The following NDNF variants were observed in gnomAD, a reference collection of about 807,000 sequenced individuals.
The protein encoded by NDNF is neuron derived neurotrophic factor.
In NDNF, 16 loss-of-function variants were observed where a neutral mutation model predicts 42.0. That is an observed-to-expected ratio of 0.38 (90% confidence interval 0.26 to 0.58). NDNF has a LOEUF of 0.58. NDNF is among the 20% of genes least tolerant of loss of function. The pLI, the probability that NDNF is intolerant of heterozygous loss-of-function variation, is 0.67. For synonymous variants in NDNF, 248 were observed against 251.7 expected (o/e 0.99, Z 0.14); for missense variants, 616 against 666.2 (o/e 0.92, Z 0.83).
chr4:121,042,206 A>T (rs1490990160), intron 2 of NDNF, among the ~76,000 whole-genome samples: 3 of 152,230 alleles, frequency 2.0e-5, no homozygotes, highest in Non-Finnish European at 4.4e-5. Flanking sequence ...AGGTTTCTGC[A>T]TGTATGTACT....
chr4:121,049,953 A>G (rs1054647575), intron 1 of NDNF, among the ~76,000 whole-genome samples: 1 of 152,224 alleles, frequency 6.6e-6, no homozygotes, highest in African/African-American at 2.4e-5. Context: ...TTATCTAATA[A>G]CATGCAACTA....
chr4:121,058,393 C>T (rs1727340285), intron 1 of NDNF, among the ~76,000 whole-genome samples: 1 of 152,156 alleles, frequency 6.6e-6, no homozygotes, highest in Non-Finnish European at 1.5e-5. Flanking sequence ...GACACCTCTG[C>T]AAGCCAGACT....
Position 121,036,758 on chromosome 4 carries a change from G to C in NDNF, c.1213C>G (p.Gln405Glu). The C allele has an allele frequency of 6.2e-7, 1 of 1,614,126 alleles. No homozygotes were observed. The change falls in exon 4 of 4, where the codon CAG becomes GAG. Residue 405 changes from glutamine (Q) to glutamate (E), a missense_variant. Coordinates refer to ENST00000379692, the MANE Select transcript of NDNF (RefSeq NM_024574.4). ...LLLSQNVEGIQQFQLRGKPKA... is the reference protein window; with the variant it reads ...LLLSQNVEGIEQFQLRGKPKA... ...GGTTTTCCTCTAAGCTGAAACTGCT[G>C]AATGCCTTCCACATTCTGAGACAGA...
intron 1 of NDNF, among the ~76,000 whole-genome samples, chr4:121,049,931 G>A (rs1727160408): frequency 6.6e-6 from 1 of 152,104 alleles, no homozygotes; most frequent in South Asian, 2.1e-4. Context: ...TCAGATTCTG[G>A]TTCTACAAAT....
chr4:121,039,176 CTATGTGTGTGTGTGT>C (rs1560603156), intron 3 of NDNF, among the ~76,000 whole-genome samples: 388 of 13,276 alleles, frequency 0.029, no homozygotes, highest in East Asian at 0.12. Context: ...TATATAAAGA[CTATGTGTGTGTGTGT>C]GTATATATAT....
intron 3 of NDNF, 59 bp from the exon 4 acceptor site, chr4:121,037,716 C>A: frequency 7.9e-7 from 1 of 1,267,318 alleles, no homozygotes; most frequent in Non-Finnish European, 1.1e-6. Flanking sequence ...GCTTGCCAAC[C>A]TTAAGTTATC....
rs183769461 is a variant in NDNF at position 121,057,251 on chromosome 4, C to G, written c.-1-11413G>C. Among the ~76,000 whole-genome samples, 54 of 152,264 alleles carry G rather than the reference C, an allele frequency of 3.5e-4. 1 individual carries two copies. The highest frequency in any genetic ancestry group is 7.5e-4 in the Non-Finnish European group (51 of 68,012). The stretch of plus-strand genomic sequence containing the variant: ...CTAGGCTAAGTAGTCAAGAAACCCC[C>G]TCTGAAGAAGGAACATTTCAGCAAG... On this transcript the variant is annotated intron_variant, in intron 1 of 3. Transcript: ENST00000379692.
intron 1 of NDNF, among the ~76,000 whole-genome samples, chr4:121,065,623 T>G (rs1029666803): frequency 2.0e-5 from 3 of 151,826 alleles, no homozygotes; most frequent in Non-Finnish European, 4.4e-5. Context: ...GGTGTCCTCT[T>G]TGCTTCATTG....
intron 1 of NDNF, among the ~76,000 whole-genome samples, chr4:121,047,966 T>C (rs985463944): frequency 1.1e-4 from 16 of 152,336 alleles, no homozygotes; most frequent in African/African-American, 3.8e-4. Flanking sequence ...AAGACTAGGT[T>C]GATATAATCT....
chr4:121,066,965 C>G (rs1256486684), intron 1 of NDNF, among the ~76,000 whole-genome samples: 4 of 152,260 alleles, frequency 2.6e-5, no homozygotes, highest in Non-Finnish European at 5.9e-5. Flanking sequence ...TTTACTTCAG[C>G]TGGTCACCAC....
intron 1 of NDNF, among the ~76,000 whole-genome samples, chr4:121,058,911 A>T (rs1727349278): frequency 6.6e-6 from 1 of 151,968 alleles, no homozygotes. Flanking sequence ...CCCATTACCG[A>T]GAGGATGAAG....
intron 1 of NDNF, among the ~76,000 whole-genome samples, chr4:121,048,026 C>T (rs1210276650): frequency 1.3e-5 from 2 of 152,226 alleles, no homozygotes; most frequent in Non-Finnish European, 2.9e-5. Context: ...TCCCTCACTG[C>T]TGTCTGTCCC....
chr4:121,050,422 CATCA>C (rs1445821067), intron 1 of NDNF, among the ~76,000 whole-genome samples: 1 of 152,172 alleles, frequency 6.6e-6, no homozygotes, highest in Non-Finnish European at 1.5e-5. Context: ...CATTAAATAA[CATCA>C]ATCAGAGTTT....
At position 121,062,698 on chromosome 4, in the gene NDNF, C is replaced by A. The variant is rs189564057; in HGVS notation, c.-2+9295G>T. Among the ~76,000 whole-genome samples, 275 of 152,004 alleles carry A rather than the reference C, an allele frequency of 1.8e-3. 2 individuals are homozygous for A. The highest frequency in any genetic ancestry group is 6.8e-3 in the Middle Eastern group (2 of 294). On this transcript the variant is annotated intron_variant, in intron 1 of 3. Coordinates refer to ENST00000379692, the MANE Select transcript of NDNF (RefSeq NM_024574.4). Reference sequence around the variant, plus strand: ...TACACAGTTAGGTGTGGTTTTTCTTCTCCTATTTTTTTTCTTTTCTCTTTT... The same window carrying A: ...TACACAGTTAGGTGTGGTTTTTCTTATCCTATTTTTTTTCTTTTCTCTTTT...
chr4:121,036,806 C>T lies in NDNF; in HGVS notation c.1165G>A (p.Val389Met), dbSNP rs140044869. The change falls in exon 4 of 4, where the codon GTG (valine) becomes ATG (methionine). Residue 389 changes from valine (V) to methionine (M), a missense_variant. Physicochemically the swap from Val to Met is conservative, Grantham distance 21. Transcript: ENST00000379692. ...AGAAGAAGTTTCCCATCTCTTCTCA[C>T]TTGGATTTGGACAGCATCCAGACAA... The part of the protein sequence containing the change: ...HSCLDAVQIQ[V>M]RRDGKLLLSQ... 1 of 1,614,174 alleles carries T rather than the reference C, an allele frequency of 6.2e-7. No individual in the cohort carries two copies. Among genetic ancestry groups the T allele is most frequent in the African/African-American group, 1.3e-5 (1 of 75,052 alleles).
chr4:121,036,184 G>T lies in NDNF; in HGVS notation c.*80C>A. On this transcript the variant is annotated 3_prime_UTR_variant, in exon 4 of 4. Transcript: ENST00000379692. ...GTACAGGTCACAACTTCTCTCAACT[G>T]TGGGAGTAGTCAGTTTATACTTAAA... 8.8e-7 allele frequency: 1 copy of T among 1,132,480 alleles called. No homozygotes were observed. The highest frequency in any genetic ancestry group is 1.3e-6 in the Non-Finnish European group (1 of 786,948). 70.2% of individuals were successfully genotyped at this position (1,132,480 alleles called of 1,614,324 possible).
At chr4:121,062,290 A>G (rs998934624) in intron 1 of NDNF, among the ~76,000 whole-genome samples, 3 of 152,372 alleles carry the variant, frequency 2.0e-5, no homozygotes, top group African/African-American at 7.2e-5. Context: ...ACCATATCTG[A>G]GGACATCAAC....
intron 1 of NDNF, among the ~76,000 whole-genome samples, chr4:121,054,310 T>C (rs766003059): frequency 2.0e-5 from 3 of 152,238 alleles, no homozygotes; most frequent in African/African-American, 4.8e-5. Context: ...GAGTCCAATG[T>C]CAGCATTTCT....
chr4:121,070,870 G>A (rs1197628772), intron 1 of NDNF, among the ~76,000 whole-genome samples: 1 of 152,200 alleles, frequency 6.6e-6, no homozygotes, highest in Non-Finnish European at 1.5e-5. Context: ...GGGCCAGGAG[G>A]GGAACCGCAA....
Sources: gnomAD v4.1 joint callset for allele counts (sites outside exome capture counted in the v4.1 genomes callset) on GRCh38, gnomAD v4.1.1 for gene constraint, MANE v1.5 for transcripts, NCBI Gene and HGNC (gene_info 2026-07-23, HGNC 2026-07-21) for gene names.